FGD5: variants seen among roughly 807,000 people sequenced by gnomAD.
The protein encoded by FGD5 is FYVE, RhoGEF and PH domain-containing protein 5.
Under a neutral mutation model 133.4 loss-of-function variants are expected in FGD5, and 28 were observed. The ratio of observed to expected loss-of-function variants is 0.21; its 90% confidence interval spans 0.16 to 0.29. The LOEUF (loss-of-function observed/expected upper bound fraction) is 0.29, where lower values mean the gene tolerates loss of function less well. FGD5 is among the 10% of genes least tolerant of loss of function. FGD5 has a pLI of 1.00. For synonymous variants in FGD5, 810 were observed against 776.5 expected (o/e 1.04, Z -0.72); for missense variants, 1,858 against 1,895.2 (o/e 0.98, Z 0.36).
chr3:14,894,419 G>A (rs984501875), intron 4 of FGD5, among the ~76,000 whole-genome samples: 2 of 151,964 alleles, frequency 1.3e-5, no homozygotes, highest in African/African-American at 4.8e-5. Flanking sequence ...GAAAAACAAG[G>A]TGGTGCAGCT....
chr3:14,871,488 A>T (rs2037605540), intron 2 of FGD5, among the ~76,000 whole-genome samples: 1 of 152,182 alleles, frequency 6.6e-6, no homozygotes, highest in Non-Finnish European at 1.5e-5. Flanking sequence ...TGCATTTTTG[A>T]TATTCCTGTT....
intron 16 of FGD5, 64 bp downstream of exon 16, chr3:14,923,239 C>T: frequency 6.4e-7 from 1 of 1,554,952 alleles, no homozygotes; most frequent in Non-Finnish European, 8.7e-7. Flanking sequence ...GCTCCAGTGG[C>T]TTCTCTGTGG....
Position 14,922,913 on chromosome 3 carries a change from C to A in FGD5, c.3808-133C>A. 7.8e-7 allele frequency: 1 copy of A among 1,282,182 alleles called. No homozygotes were observed. Among genetic ancestry groups the A allele is most frequent in the Non-Finnish European group, 1.1e-6 (1 of 912,202 alleles). 79.4% of individuals were successfully genotyped at this position (1,282,182 alleles called of 1,614,324 possible). The stretch of plus-strand genomic sequence containing the variant: ...TTGCCGGAAAAGTAGGGGACACGCA[C>A]AGCTCCATGATCAGAACCTGGGGCT... On this transcript the variant is annotated intron_variant, in intron 15 of 19. Transcript: ENST00000285046. The surrounding 1 kb of genome is among the most constrained non-coding windows in gnomAD (Gnocchi z 4.1).
chr3:14,862,599 T>C (rs969501436), intron 1 of FGD5, among the ~76,000 whole-genome samples: 2 of 152,176 alleles, frequency 1.3e-5, no homozygotes, highest in African/African-American at 4.8e-5. Context: ...GTAGTAGGTA[T>C]ATGGCTTGTT....
At chr3:14,882,426 G>A (rs1009495310) in intron 4 of FGD5, 13 of 847,842 alleles carry the variant, frequency 1.5e-5, no homozygotes, top group Non-Finnish European at 1.8e-5. Context: ...GGCCAGGCGC[G>A]ATGGCTCATG....
At chr3:14,914,287 T>C (rs2038508955) in intron 11 of FGD5, among the ~76,000 whole-genome samples, 1 of 152,268 alleles carries the variant, frequency 6.6e-6, no homozygotes, top group Non-Finnish European at 1.5e-5. Flanking sequence ...CGCCCAGCAG[T>C]GTTGTTAGAC....
At chr3:14,873,641 A>G (rs1403862789) in intron 2 of FGD5, among the ~76,000 whole-genome samples, 3 of 152,298 alleles carry the variant, frequency 2.0e-5, no homozygotes, top group African/African-American at 7.2e-5. Flanking sequence ...TTAGGATTCC[A>G]GAAGGTGAGA....
intron 2 of FGD5, among the ~76,000 whole-genome samples, chr3:14,870,261 T>C (rs1444684362): frequency 6.6e-6 from 1 of 152,168 alleles, no homozygotes; most frequent in African/African-American, 2.4e-5. Context: ...TAGGAGGTCA[T>C]TGTGGCTGGA....
intron 8 of FGD5, 135 bp downstream of exon 8, chr3:14,900,588 C>A: frequency 1.0e-6 from 1 of 975,600 alleles, no homozygotes; most frequent in Non-Finnish European, 1.6e-6. Context: ...CTGCATATGA[C>A]ACATCTTGGA....
rs1396827479 is a variant in FGD5 at position 14,934,269 on chromosome 3, A to G, written c.*1102A>G. 6.6e-6 allele frequency: 1 copy of G among 152,192 alleles called. No individual in the cohort carries two copies. Among genetic ancestry groups the G allele is most frequent in the Non-Finnish European group, 1.5e-5 (1 of 68,034 alleles). 9.4% of individuals were successfully genotyped at this position (152,192 alleles called of 1,614,324 possible). A position where few individuals can be genotyped will look rare whatever the true frequency, so the allele number is the denominator to read the frequency against. On this transcript the variant is annotated 3_prime_UTR_variant, in exon 20 of 20. Coordinates refer to ENST00000285046, the MANE Select transcript of FGD5 (RefSeq NM_152536.4). ...GCTGTTCTATGGGCACTTGGGGCTA[A>G]ATCGCCTCCTGAGGGTGACTGTTGC...
chr3:14,826,691 A>G (rs1231395074), intron 1 of FGD5, among the ~76,000 whole-genome samples: 1 of 152,140 alleles, frequency 6.6e-6, no homozygotes, highest in African/African-American at 2.4e-5. Context: ...CAGGATTTGA[A>G]TTTGATTCCT....
At chr3:14,923,977 C>G (rs749000074) in intron 16 of FGD5, 31 bp from the exon 17 acceptor site, 1 of 1,613,362 alleles carries the variant, frequency 6.2e-7, no homozygotes, top group African/African-American at 1.3e-5. Flanking sequence ...CGCCTCTCAC[C>G]TCCCTTCCAT....
At chr3:14,923,295 A>C in intron 16 of FGD5, 120 bp downstream of exon 16, 13 of 1,341,294 alleles carry the variant, frequency 9.7e-6, no homozygotes, top group South Asian at 2.8e-5. Context: ...GGAGTTATTC[A>C]CTCCATGGAG....
Position 14,885,434 on chromosome 3 carries a change from G to A in FGD5, c.2748+4662G>A, listed in dbSNP as rs560171421. ...AAACCTTCTGTCCGCAGGTGCAGTC[G>A]TGAGTTTGCCCACATCCTGCATTCA... On this transcript the variant is annotated intron_variant, in intron 4 of 19. Transcript: ENST00000285046. 1.7e-4 allele frequency among the ~76,000 whole-genome samples: 26 copies of A among 152,284 alleles called. 1 individual carries two copies. The South Asian group carries it at 5.2e-3, about 30-fold the overall frequency.
intron 13 of FGD5, 108 bp from the exon 14 acceptor site, chr3:14,921,810 A>T: frequency 1.0e-6 from 1 of 1,003,496 alleles, no homozygotes; most frequent in Non-Finnish European, 1.5e-6. Flanking sequence ...GGGCAGTGTG[A>T]GAGGTGCAGG....
chr3:14,918,626 G>T (rs1280674740), intron 12 of FGD5, 128 bp from the exon 13 acceptor site: 1 of 869,718 alleles, frequency 1.1e-6, no homozygotes, highest in South Asian at 1.5e-5. Context: ...TCACAGAAAG[G>T]TATGCCCTGA....
chr3:14,844,217 AATATATATATATATATATATATAT>A (rs869290486), intron 1 of FGD5, among the ~76,000 whole-genome samples: 9 of 20,376 alleles, frequency 4.4e-4, no homozygotes, highest in Admixed American at 7.3e-4. Context: ...AAAAAAAAAA[AATATATATATATATATATATATAT>A]ATATATATAT....
chr3:14,889,695 G>C (rs2037989217), intron 4 of FGD5, among the ~76,000 whole-genome samples: 2 of 152,074 alleles, frequency 1.3e-5, no homozygotes, highest in Non-Finnish European at 2.9e-5. Flanking sequence ...CCACACTCTT[G>C]CCAACATGTT....
chr3:14,819,765 G>C lies in FGD5; in HGVS notation c.694G>C (p.Gly232Arg). ...ASTDPAGADE[G>R]SGPDRPTEDM... Reference sequence around the variant, plus strand: ...CACAGACCCAGCAGGGGCAGATGAGGGTTCGGGTCCTGACAGGCCCACGGA... The same window carrying C: ...CACAGACCCAGCAGGGGCAGATGAGCGTTCGGGTCCTGACAGGCCCACGGA... The change falls in exon 1 of 20, where the codon GGT (glycine) becomes CGT (arginine). Residue 232 changes from glycine to arginine, a missense_variant. By Grantham distance (125) the Gly-to-Arg change is moderately radical. Coordinates refer to ENST00000285046, the MANE Select transcript of FGD5 (RefSeq NM_152536.4). The surrounding 1 kb of genome is among the most constrained non-coding windows in gnomAD (Gnocchi z 4.1). 3 of 1,545,756 alleles carry C rather than the reference G, an allele frequency of 1.9e-6. No homozygotes were observed. Among genetic ancestry groups the C allele is most frequent in the Non-Finnish European group, 2.6e-6 (3 of 1,144,912 alleles).
Sources: gnomAD v4.1 joint callset for allele counts (sites outside exome capture counted in the v4.1 genomes callset) on GRCh38, gnomAD v4.1.1 for gene constraint, Gnocchi (gnomAD v3.1) non-coding constraint, MANE v1.5 for transcripts, NCBI Gene and HGNC (gene_info 2026-07-23, HGNC 2026-07-21) for gene names.